HLA-DQB1: variants seen among roughly 807,000 people sequenced by gnomAD.
HLA-DQB1 encodes major histocompatibility complex, class II, DQ beta 1, also known as HLA class II histocompatibility antigen, DQ beta 1 chain.
In HLA-DQB1, 13 loss-of-function variants were observed where a neutral mutation model predicts 26.4. The observed-to-expected ratio is 0.49, with a 90% CI of 0.32 to 0.78. HLA-DQB1 has a LOEUF of 0.78. Among genes scored for constraint, HLA-DQB1 ranks in the 30% least tolerant of loss-of-function variants. The pLI is 0.03. For missense variants in HLA-DQB1, 158 were observed against 326.2 expected, an observed-to-expected ratio of 0.48 and a Z score of 3.97; for synonymous variants, 60 against 129.1, an observed-to-expected ratio of 0.46 and a Z score of 3.63.
At position 32,661,660 on chromosome 6, in the gene HLA-DQB1, C is replaced by G. The variant is rs9273771; in HGVS notation, c.662-203G>C. On this transcript the variant is annotated intron_variant, in intron 3 of 4. Coordinates refer to ENST00000434651, the Ensembl canonical transcript of HLA-DQB1. ...GGTGAGAGAGTGGGGAAGCAAATCT[C>G]TGCTCTTCAAGAACTCATCCATAAC... The G allele has an allele frequency of 5.4e-4, 226 of 422,422 alleles. 53 individuals are homozygous for G. Among genetic ancestry groups the G allele is most frequent in the African/African-American group, 4.4e-3 (196 of 44,818 alleles). The allele number at this position is 422,422 out of a possible 1,614,324, so 26.2% of individuals were successfully genotyped here. A position where few individuals can be genotyped will look rare whatever the true frequency, so the allele number is the denominator to read the frequency against.
intron 2 of HLA-DQB1, chr6:32,664,113 A>T (rs281862623): frequency 1.0e-5 from 1 of 96,520 alleles, no homozygotes; most frequent in African/African-American, 3.6e-5. Context: ...GCAGCTGAGT[A>T]CATTTATTCA....
intron 2 of HLA-DQB1, 127 bp downstream of exon 2, chr6:32,664,671 C>T (rs1475540125): frequency 6.0e-6 from 2 of 335,382 alleles, no homozygotes; most frequent in Non-Finnish European, 9.6e-6. Context: ...CCGCCGCCGC[C>T]TCCTTTCCCC....
chr6:32,665,247 TG>T (rs1783879314), intron 1 of HLA-DQB1, among the ~76,000 whole-genome samples, 180 bp from the exon 2 acceptor site: 1 of 53,466 alleles, frequency 1.9e-5, no homozygotes, highest in Non-Finnish European at 4.2e-5. Context: ...CCGCCTTCTT[TG>T]CGGGCTTCTG....
intron 1 of HLA-DQB1, among the ~76,000 whole-genome samples, chr6:32,665,825 A>G (rs281861398): frequency 1.7e-5 from 1 of 60,342 alleles, no homozygotes; most frequent in East Asian, 1.2e-3. Context: ...TATATAAAGT[A>G]TTGTTCTGTC....
At chr6:32,662,813 TTTC>T (rs1478091079) in intron 2 of HLA-DQB1, 2 of 98,222 alleles carry the variant, frequency 2.0e-5, no homozygotes, top group African/African-American at 4.0e-5. Flanking sequence ...GTTCTCTCAT[TTTC>T]TTTTTTTCCT....
At chr6:32,662,529 AAGTAGAATG>A (rs1273089323) in intron 2 of HLA-DQB1, 5,741 of 114,160 alleles carry the variant, frequency 0.05, 808 homozygotes, top group South Asian at 0.092. Flanking sequence ...TTTGAAAAAA[AAGTAGAATG>A]TTATTTCAAA....
At chr6:32,660,323 GC>G in intron 4 of HLA-DQB1, 74 bp from the exon 5 acceptor site, 1 of 725,500 alleles carries the variant, frequency 1.4e-6, no homozygotes, top group Non-Finnish European at 2.2e-6. Flanking sequence ...CCCTTCAGGG[GC>G]CCCCTGCAGC....
exon 4 of HLA-DQB1, chr6:32,661,365 G>A (rs9273626): frequency 1.4e-5 from 18 of 1,320,800 alleles, no homozygotes; most frequent in South Asian, 2.4e-5. Context: ...CTCCTTTGAC[G>A]GATGATAAGG....
At chr6:32,665,169 C>A (rs9274417) in intron 1 of HLA-DQB1, 102 bp from the exon 2 acceptor site, 16,994 of 659,624 alleles carry the variant, frequency 0.026, 1,634 homozygotes, top group African/African-American at 0.055. Context: ...GCGCGACCTC[C>A]AGTTCCCGCC....
chr6:32,661,240 A>AGTTTT (rs1554164104), intron 4 of HLA-DQB1, 107 bp downstream of exon 4: 103 of 466,896 alleles, frequency 2.2e-4, no homozygotes, highest in Admixed American at 6.6e-4. Flanking sequence ...GTCTCCTCGC[A>AGTTTT]CTTCTTCTCA....
chr6:32,665,700 G>A (rs281861491), intron 1 of HLA-DQB1, among the ~76,000 whole-genome samples: 1 of 106,464 alleles, frequency 9.4e-6, no homozygotes, highest in African/African-American at 3.4e-5. Context: ...ATTAAACTGT[G>A]GCAGTCACCA....
intron 3 of HLA-DQB1, 57 bp downstream of exon 3, chr6:32,661,910 C>A (rs9273889): frequency 8.8e-7 from 1 of 1,133,822 alleles, no homozygotes; most frequent in Non-Finnish European, 1.2e-6. Flanking sequence ...AGGAATGGGT[C>A]AGAAGGAGCT....
intron 1 of HLA-DQB1, 54 bp downstream of exon 1, chr6:32,666,445 A>G (rs281860894): frequency 3.0e-6 from 2 of 659,858 alleles, no homozygotes; most frequent in South Asian, 2.0e-5. Flanking sequence ...CCCCAGCCCA[A>G]GGAGAGCCTG....
At chr6:32,661,177 G>A (rs1436553299) in intron 4 of HLA-DQB1, among the ~76,000 whole-genome samples, 170 bp downstream of exon 4, 2 of 99,908 alleles carry the variant, frequency 2.0e-5, no homozygotes, top group Non-Finnish European at 4.5e-5. Context: ...CTGTGACAGC[G>A]CTACCTTTCA....
intron 4 of HLA-DQB1, chr6:32,660,605 T>A: frequency 2.5e-6 from 1 of 405,160 alleles, no homozygotes; most frequent in Non-Finnish European, 4.4e-6. Flanking sequence ...AAAGTGGGCA[T>A]CATCCTAGTG....
chr6:32,665,146 T>C lies in HLA-DQB1; in HGVS notation c.110-79A>G, dbSNP rs281861986. 168 of 865,350 alleles carry C rather than the reference T, an allele frequency of 1.9e-4. 2 individuals are homozygous for C. The East Asian group carries it at 5.9e-3, about 30-fold the overall frequency. The allele number at this position is 865,350 out of a possible 1,614,324, so 53.6% of individuals were successfully genotyped here. A position where few individuals can be genotyped will look rare whatever the true frequency, so the allele number is the denominator to read the frequency against. On this transcript the variant is annotated intron_variant, in intron 1 of 4. Transcript: ENST00000434651. Reference sequence around the variant, plus strand: ...CCGCCGCCCTGACCCGGCCTGGAGCTGTGGAACCGCCCGCGCGACCTCCAG... The same window carrying C: ...CCGCCGCCCTGACCCGGCCTGGAGCCGTGGAACCGCCCGCGCGACCTCCAG...
intron 1 of HLA-DQB1, among the ~76,000 whole-genome samples, chr6:32,665,711 G>GCCC (rs1783999810): frequency 1.1e-5 from 1 of 92,500 alleles, no homozygotes; most frequent in Non-Finnish European, 2.3e-5. Context: ...GCAGTCACCA[G>GCCC]TTTGGGCAGG....
At chr6:32,661,920 T>TCCGTC in intron 3 of HLA-DQB1, 47 bp downstream of exon 3, 1 of 1,214,394 alleles carries the variant, frequency 8.2e-7, no homozygotes, top group Non-Finnish European at 1.2e-6. Context: ...CAGAAGGAGC[T>TCCGTC]CTTTGTCTTG....
rs9274409 is a variant in HLA-DQB1 at position 32,665,087 on chromosome 6, G to A, written c.110-20C>T. ...AATCCTCTGCGGGGAATCACCGGCC[G>A]GTCAGTCAGGCCCCAGCCCGGCCGC... On this transcript the variant is annotated intron_variant, in intron 1 of 4. Transcript: ENST00000434651. The A allele has an allele frequency of 0.12, 133,957 of 1,114,556 alleles. 25,243 individuals carry two copies. The highest frequency in any genetic ancestry group is 0.24 in the South Asian group (15,946 of 67,202). 69.0% of individuals were successfully genotyped at this position (1,114,556 alleles called of 1,614,324 possible).
Sources: allele counts gnomAD v4.1 joint callset (sites outside exome capture counted in the v4.1 genomes callset), GRCh38; gene constraint gnomAD v4.1.1; transcripts MANE v1.5; gene names NCBI Gene and HGNC (gene_info 2026-07-23, HGNC 2026-07-21).